PRPSAP1: variants seen among roughly 807,000 people sequenced by gnomAD.
The protein encoded by PRPSAP1 is phosphoribosyl pyrophosphate synthase-associated protein 1.
In PRPSAP1, 31 loss-of-function variants were observed where a neutral mutation model predicts 39.4. The ratio of observed to expected loss-of-function variants is 0.79; its 90% CI spans 0.59 to 1.06. PRPSAP1 has a LOEUF of 1.06. PRPSAP1 is among the 50% of genes least tolerant of loss of function. The pLI is 0.00. For missense variants in PRPSAP1, 430 were observed against 511.6 expected (o/e 0.84, Z 1.54); for synonymous variants, 212 against 192.6 (o/e 1.10, Z -0.83).
At chr17:76,323,964 G>A (rs2071225323) in intron 7 of PRPSAP1, among the ~76,000 whole-genome samples, 1 of 151,552 alleles carries the variant, frequency 6.6e-6, no homozygotes, top group South Asian at 2.1e-4. Flanking sequence ...TGGCTGACAT[G>A]GTAAAACCCT....
chr17:76,312,968 G>C lies in PRPSAP1; in HGVS notation c.901C>G (p.Leu301Val), dbSNP rs2071085039. 1 of 1,614,068 alleles carries C rather than the reference G, an allele frequency of 6.2e-7. No homozygotes were observed. Among genetic ancestry groups the C allele is most frequent in the South Asian group, 1.1e-5 (1 of 91,082 alleles). The part of the protein sequence containing the change: ...VESFVAAAEI[L>V]KERGAYKIYV... ...ATCTTATAGGCGCCTCTCTCTTTCA[G>C]GATCTCCGCGGCAGCAACAAAACTC... The change falls in exon 9 of 10, where the codon CTG becomes GTG. Residue 301 changes from leucine to valine, a missense_variant. This residue lies in a region of PRPSAP1 where 278 missense variants were observed against 376.3 expected (regional missense o/e 0.74). Coordinates refer to ENST00000446526, the MANE Select transcript of PRPSAP1 (RefSeq NM_002766.3).
intron 7 of PRPSAP1, among the ~76,000 whole-genome samples, chr17:76,324,656 AAAGG>A (rs1387353920): frequency 6.6e-6 from 1 of 152,044 alleles, no homozygotes; most frequent in African/African-American, 2.4e-5. Context: ...ATCTTTTGTG[AAAGG>A]AAGAGTCAAT....
intron 7 of PRPSAP1, among the ~76,000 whole-genome samples, chr17:76,318,754 T>TA (rs1300736960): frequency 1.3e-5 from 2 of 152,146 alleles, no homozygotes; most frequent in Admixed American, 6.5e-5. Flanking sequence ...AACATACCAC[T>TA]ATGTCTAGAA....
chr17:76,354,047 G>T (rs1045487825), upstream of PRPSAP1: 58 of 1,096,100 alleles, frequency 5.3e-5, no homozygotes, highest in Non-Finnish European at 6.3e-5. Flanking sequence ...TCACAGGTTC[G>T]CCCCGCCCCT....
At chr17:76,317,513 A>C (rs1296542760) in intron 7 of PRPSAP1, among the ~76,000 whole-genome samples, 1 of 152,120 alleles carries the variant, frequency 6.6e-6, no homozygotes, top group Non-Finnish European at 1.5e-5. Flanking sequence ...ACAGAACGAG[A>C]CTCCATCTCA....
At chr17:76,325,324 G>A (rs1345500901) in intron 7 of PRPSAP1, among the ~76,000 whole-genome samples, 2 of 145,860 alleles carry the variant, frequency 1.4e-5, no homozygotes, top group African/African-American at 5.1e-5. Flanking sequence ...CAGGAGAATG[G>A]CGTGAACCCG....
chr17:76,323,709 G>GA (rs1567800607), intron 7 of PRPSAP1, among the ~76,000 whole-genome samples: 3 of 151,108 alleles, frequency 2.0e-5, no homozygotes, highest in Non-Finnish European at 1.5e-5. Flanking sequence ...AGCAAAGAAG[G>GA]TTTTTTGTTT....
At chr17:76,324,081 T>C (rs1003435599) in intron 7 of PRPSAP1, among the ~76,000 whole-genome samples, 1 of 148,764 alleles carries the variant, frequency 6.7e-6, no homozygotes, top group African/African-American at 2.5e-5. Context: ...AGGCAGAAGT[T>C]GCAGGGAGCC....
At chr17:76,354,176 G>C, upstream of PRPSAP1, 2 of 988,946 alleles carry the variant, frequency 2.0e-6, no homozygotes, top group Non-Finnish European at 2.4e-6. Flanking sequence ...GTCCGCCTCC[G>C]AGGAGGTATA....
At chr17:76,315,511 A>G (rs16968826) in intron 7 of PRPSAP1, among the ~76,000 whole-genome samples, 4,666 of 152,058 alleles carry the variant, frequency 0.031, 232 homozygotes, top group African/African-American at 0.1. Flanking sequence ...CAACAAACAT[A>G]TATTTCCTGA....
At chr17:76,343,598 G>A (rs917392801) in intron 3 of PRPSAP1, among the ~76,000 whole-genome samples, 5 of 152,180 alleles carry the variant, frequency 3.3e-5, no homozygotes, top group African/African-American at 9.7e-5. Context: ...ACTTTGGGAG[G>A]CTGAGGTGCA....
intron 1 of PRPSAP1, among the ~76,000 whole-genome samples, chr17:76,352,245 G>C (rs1358049915): frequency 6.6e-6 from 1 of 152,070 alleles, no homozygotes; most frequent in Non-Finnish European, 1.5e-5. Context: ...TAAAAGACGA[G>C]CTATTCATTT....
At chr17:76,320,341 G>GAGGGAGGGAGGAAGGA (rs1555592793) in intron 7 of PRPSAP1, among the ~76,000 whole-genome samples, 1 of 68,394 alleles carries the variant, frequency 1.5e-5, no homozygotes, top group African/African-American at 1.1e-4. Context: ...GGGAGGGAGG[G>GAGGGAGGGAGGAAGGA]AGGAAGGAAG....
intron 4 of PRPSAP1, among the ~76,000 whole-genome samples, chr17:76,332,000 T>C (rs1460514760): frequency 6.6e-6 from 1 of 152,114 alleles, no homozygotes; most frequent in Non-Finnish European, 1.5e-5. Context: ...GCTAAGAATT[T>C]AGCGATGACA....
intron 3 of PRPSAP1, among the ~76,000 whole-genome samples, chr17:76,340,920 G>C (rs796303183): frequency 6.6e-6 from 1 of 151,150 alleles, no homozygotes; most frequent in Non-Finnish European, 1.5e-5. Flanking sequence ...AAAAAAAGCG[G>C]GGGGTAGGGG....
At chr17:76,344,044 A>G (rs2071469137) in intron 3 of PRPSAP1, among the ~76,000 whole-genome samples, 2 of 151,678 alleles carry the variant, frequency 1.3e-5, no homozygotes, top group African/African-American at 4.8e-5. Flanking sequence ...TCCTGGGTTC[A>G]AGCACTTCTC....
At chr17:76,346,170 G>T in intron 2 of PRPSAP1, 1 of 236,666 alleles carries the variant, frequency 4.2e-6, no homozygotes, top group Non-Finnish European at 8.5e-6. Flanking sequence ...TTTTTATCAA[G>T]TTTTATAAAA....
chr17:76,312,270 G>A (rs1014131057), intron 9 of PRPSAP1, among the ~76,000 whole-genome samples: 5 of 152,142 alleles, frequency 3.3e-5, no homozygotes, highest in Non-Finnish European at 1.5e-5. Flanking sequence ...GTGAAACCCC[G>A]TTTCTAAGAA....
At chr17:76,338,168 GA>G (rs1339354041) in intron 3 of PRPSAP1, among the ~76,000 whole-genome samples, 1 of 152,044 alleles carries the variant, frequency 6.6e-6, no homozygotes, top group African/African-American at 2.4e-5. Flanking sequence ...ACAGTCAAAA[GA>G]AATATGCTGC....
Sources: gnomAD v4.1 joint callset for allele counts (sites outside exome capture counted in the v4.1 genomes callset) on GRCh38, gnomAD v4.1.1 for gene constraint, gnomAD v4.1.1 regional missense constraint, MANE v1.5 for transcripts, NCBI Gene and HGNC (gene_info 2026-07-23, HGNC 2026-07-21) for gene names.